Variants in SLC32A1 observed in about 807,000 individuals in gnomAD.
The protein encoded by SLC32A1 is vesicular inhibitory amino acid transporter.
SLC32A1 carries 8 observed loss-of-function variants against 35.5 expected under a neutral mutation model. That is an observed-to-expected ratio of 0.23 (90% CI 0.13 to 0.41). The LOEUF is 0.41. Among genes scored for constraint, SLC32A1 ranks in the 10% least tolerant of loss-of-function variants. SLC32A1 has a pLI of 1.00. For missense variants in SLC32A1, 493 were observed against 722.3 expected, an observed-to-expected ratio of 0.68 and a Z score of 3.64; for synonymous variants, 317 against 326.3, an observed-to-expected ratio of 0.97 and a Z score of 0.31.
At position 38,724,740 on chromosome 20, in the gene SLC32A1, C is replaced by T. The variant is rs776050127; in HGVS notation, c.16C>T (p.Arg6Cys). 6.2e-7 allele frequency: 1 copy of T among 1,609,776 alleles called. No homozygotes were observed. The highest frequency in any genetic ancestry group is 1.1e-5 in the South Asian group (1 of 90,642). Residue 6 changes from arginine (R) to cysteine (C), a missense_variant, in exon 1 of 2, where the codon CGC becomes TGC. By Grantham distance (180) the Arg-to-Cys change is radical (BLOSUM62 -3). This residue lies in a region of SLC32A1 where 133 missense variants were observed against 145.9 expected (regional missense o/e 0.91). Transcript: ENST00000217420. ...CACCGCCGCCATGGCCACCTTGCTCCGCAGCAAGCTGTCCAACGTGGCCAC... is the reference window on the plus strand; with the variant it reads ...CACCGCCGCCATGGCCACCTTGCTCTGCAGCAAGCTGTCCAACGTGGCCAC... MATLLRSKLSNVATSV... is the reference protein window; with the variant it reads MATLLCSKLSNVATSV...
rs760283518 is a variant in SLC32A1, at chr20:38,727,928, G to A, written c.867G>A (p.Ala289=). 32 of 1,614,056 alleles carry A rather than the reference G, an allele frequency of 2.0e-5. No individual in the cohort carries two copies. In the South Asian group the frequency reaches 3.2e-4, roughly 16 times the overall value. ...ILVIAYCLSR[A]RDWAWEKVKF... is the part of the protein sequence containing the mutation. ...TCATAGCCTACTGTCTATCGCGGGC[G>A]CGCGACTGGGCCTGGGAGAAGGTCA... Residue 289 remains alanine, a synonymous_variant, in exon 2 of 2, where the codon GCG becomes GCA. Transcript: ENST00000217420.
At position 38,726,774 on chromosome 20, in the gene SLC32A1, C is replaced by T. The variant is rs34068158; in HGVS notation, c.391-678C>T. ...ATTTCCAGCCCTGCTTCCTCCTCCC[C>T]GCGCGCTGCTCCCCAAGCGTCTTCA... On this transcript the variant is annotated intron_variant, in intron 1 of 1. Transcript: ENST00000217420. This position sits in a 1 kb window ranked among gnomAD's most constrained non-coding sequence, Gnocchi z 4.7. Among the ~76,000 whole-genome samples the T allele has an allele frequency of 0.096, 14,552 of 152,208 alleles. 794 individuals carry two copies. Among genetic ancestry groups the T allele is most frequent in the Non-Finnish European group, 0.13 (8,661 of 67,986 alleles).
chr20:38,725,075 G>A lies in SLC32A1; in HGVS notation c.351G>A (p.Thr117=), dbSNP rs1568627665. 1 of 1,518,866 alleles carries A rather than the reference G, an allele frequency of 6.6e-7. No individual in the cohort carries two copies. Among genetic ancestry groups the A allele is most frequent in the Non-Finnish European group, 8.8e-7 (1 of 1,134,808 alleles). The allele number at this position is 1,518,866 out of a possible 1,614,324, so 94.1% of individuals were successfully genotyped here. ...EFGGHDKPKI[T]AWEAGWNVTN... ...GGGGCCACGACAAGCCCAAAATCAC[G>A]GCGTGGGAGGCAGGCTGGAACGTGA... The change falls in exon 1 of 2, where the codon ACG becomes ACA. Residue 117 remains threonine, a synonymous_variant. Coordinates refer to ENST00000217420, the MANE Select transcript of SLC32A1 (RefSeq NM_080552.3).
At position 38,728,721 on chromosome 20, in the gene SLC32A1, G is replaced by A; in HGVS notation, c.*82G>A. On this transcript the variant is annotated 3_prime_UTR_variant, in exon 2 of 2. Transcript: ENST00000217420. ...CGCCCCCACCAGCCCAGTGCGCCCT[G>A]CCGCCGCGCTTGGGAGGCCAAGCTT... is the stretch of plus-strand genomic sequence containing the variant. 15 of 1,322,350 alleles carry A rather than the reference G, an allele frequency of 1.1e-5. No individual in the cohort carries two copies. The highest frequency in any genetic ancestry group is 1.5e-5 in the Non-Finnish European group (15 of 988,576). The allele number at this position is 1,322,350 out of a possible 1,614,324, so 81.9% of individuals were successfully genotyped here. A position where few individuals can be genotyped will look rare whatever the true frequency, so the allele number is the denominator to read the frequency against.
In SLC32A1 at chr20:38,725,037, G is replaced by A; in HGVS notation, c.313G>A (p.Gly105Ser). ...CGGCTCCAAGGACCAGGTGGGAGGT[G>A]GTGGCGAATTCGGGGGCCACGACAA... is the stretch of plus-strand genomic sequence containing the variant. ...PSGSKDQVGGGGEFGGHDKPK... is the reference protein window; with the variant it reads ...PSGSKDQVGGSGEFGGHDKPK... Residue 105 changes from glycine (G) to serine (S), a missense_variant, in exon 1 of 2, where the codon GGT (glycine) becomes AGT (serine). By Grantham distance (56) the Gly-to-Ser change is moderately conservative (BLOSUM62 0). Coordinates refer to ENST00000217420, the MANE Select transcript of SLC32A1 (RefSeq NM_080552.3). 1 of 1,536,566 alleles carries A rather than the reference G, an allele frequency of 6.5e-7. No individual in the cohort carries two copies. The highest frequency in any genetic ancestry group is 2.3e-5 in the East Asian group (1 of 43,648).
rs373705070 is a variant in SLC32A1 at position 38,728,063 on chromosome 20, C to A, written c.1002C>A (p.Ser334Arg). The A allele has an allele frequency of 1.2e-6, 2 of 1,613,986 alleles. No individual in the cohort carries two copies. The highest frequency in any genetic ancestry group is 2.2e-5 in the East Asian group (1 of 44,886). ...TGGAGGGCAATATGCAGCAGCCCAG[C>A]GAGTTCCACTGCATGATGAACTGGA... is the stretch of plus-strand genomic sequence containing the variant. ...PSLEGNMQQPSEFHCMMNWTH... is the reference protein window; with the variant it reads ...PSLEGNMQQPREFHCMMNWTH... The change falls in exon 2 of 2, where the codon AGC becomes AGA. Residue 334 changes from serine to arginine, a missense_variant. Ser to Arg is a moderately radical substitution (Grantham distance 110). Coordinates refer to ENST00000217420, the MANE Select transcript of SLC32A1 (RefSeq NM_080552.3).
chr20:38,728,626 AC>A lies in SLC32A1; in HGVS notation c.1566del (p.Asn522LysfsTer47). On this transcript the variant is annotated frameshift_variant, in exon 2 of 2. Coordinates refer to ENST00000217420, the MANE Select transcript of SLC32A1 (RefSeq NM_080552.3). LOFTEE classifies it high-confidence loss of function. ...LEGLIEAYRT[N>X]AED ...GGCCTCATCGAAGCCTACCGAACCAACGCGGAGGACTAGGGCGCAAGGGCGA... is the reference window on the plus strand; with the variant it reads ...GGCCTCATCGAAGCCTACCGAACCAAGCGGAGGACTAGGGCGCAAGGGCGA... 1 of 1,604,730 alleles carries A rather than the reference AC, an allele frequency of 6.2e-7. No homozygotes were observed. The highest frequency in any genetic ancestry group is 8.5e-7 in the Non-Finnish European group (1 of 1,176,244).
rs1401182749 is a variant in SLC32A1, at chr20:38,729,371, C to T, written c.*732C>T. On this transcript the variant is annotated 3_prime_UTR_variant, in exon 2 of 2. Transcript: ENST00000217420. ...TCCGCAAATAAAGAAGAGACAAAGG[C>T]TTGCGCGGCCCGGTGTCGGGTTTGT... is the stretch of plus-strand genomic sequence containing the variant. 1 of 152,468 alleles carries T rather than the reference C, an allele frequency of 6.6e-6. No homozygotes were observed. The highest frequency in any genetic ancestry group is 1.5e-5 in the Non-Finnish European group (1 of 68,048). 9.4% of individuals were successfully genotyped at this position (152,468 alleles called of 1,614,324 possible).
chr20:38,728,778 T>C lies in SLC32A1; in HGVS notation c.*139T>C. 1 of 355,512 alleles carries C rather than the reference T, an allele frequency of 2.8e-6. No homozygotes were observed. Among genetic ancestry groups the C allele is most frequent in the East Asian group, 8.0e-5 (1 of 12,546 alleles). The allele number at this position is 355,512 out of a possible 1,614,324, so 22.0% of individuals were successfully genotyped here. A position where few individuals can be genotyped will look rare whatever the true frequency, so the allele number is the denominator to read the frequency against. ...TCTCTGGTTCCTAGTTTCTGATTAT[T>C]CGGGGATGGGGGGGATGGGAGGGGA... On this transcript the variant is annotated 3_prime_UTR_variant, in exon 2 of 2. Transcript: ENST00000217420.
At position 38,728,909 on chromosome 20, in the gene SLC32A1, C is replaced by G. The variant is rs1262370789; in HGVS notation, c.*270C>G. ...TGCATTTGCGGGCAGGGTTCTCTGT[C>G]CTTCCAAGTGGGGCCCCGACACTTT... On this transcript the variant is annotated 3_prime_UTR_variant, in exon 2 of 2. Transcript: ENST00000217420. 2 of 454,990 alleles carry G rather than the reference C, an allele frequency of 4.4e-6. No homozygotes were observed. Among genetic ancestry groups the G allele is most frequent in the Non-Finnish European group, 7.8e-6 (2 of 256,928 alleles). The allele number at this position is 454,990 out of a possible 1,614,324, so 28.2% of individuals were successfully genotyped here. A position where few individuals can be genotyped will look rare whatever the true frequency, so the allele number is the denominator to read the frequency against.
chr20:38,727,688 G>T lies in SLC32A1; in HGVS notation c.627G>T (p.Ala209=), dbSNP rs1180204726. The change falls in exon 2 of 2, where the codon GCG becomes GCT. Residue 209 remains alanine (A), a synonymous_variant. Coordinates refer to ENST00000217420, the MANE Select transcript of SLC32A1 (RefSeq NM_080552.3). The stretch of plus-strand genomic sequence containing the variant: ...TGGGCGGCCGAGTGGTGAACGTAGC[G>T]CAGATCATCGAGCTGGTGATGACGT... ...PTLGGRVVNV[A]QIIELVMTCI... is the part of the protein sequence containing the mutation. 5 of 1,614,086 alleles carry T rather than the reference G, an allele frequency of 3.1e-6. No homozygotes were observed. Among genetic ancestry groups the T allele is most frequent in the African/African-American group, 1.3e-5 (1 of 74,934 alleles).
chr20:38,724,618 A>C lies in SLC32A1; in HGVS notation c.-107A>C. On this transcript the variant is annotated 5_prime_UTR_variant, in exon 1 of 2. Transcript: ENST00000217420. The stretch of plus-strand genomic sequence containing the variant: ...CAGAGAGCCCCGGGGCGCCGCGCGG[A>C]GAGCAAGCGGAGATAGCGACTTTGC... The C allele has an allele frequency of 7.3e-7, 1 of 1,378,484 alleles. No homozygotes were observed. The highest frequency in any genetic ancestry group is 2.4e-5 in the East Asian group (1 of 40,828). The allele number at this position is 1,378,484 out of a possible 1,614,324, so 85.4% of individuals were successfully genotyped here. A position where few individuals can be genotyped will look rare whatever the true frequency, so the allele number is the denominator to read the frequency against.
chr20:38,727,836 A>G lies in SLC32A1; in HGVS notation c.775A>G (p.Asn259Asp), dbSNP rs199839263. The G allele has an allele frequency of 5.0e-6, 8 of 1,614,190 alleles. 1 individual carries two copies. The East Asian group carries it at 1.8e-4, about 36-fold the overall frequency. The part of the protein sequence containing the change: ...AVLLPCAFLK[N>D]LKAVSKFSLL... ...GCTGCTGCCTTGCGCCTTCCTTAAG[A>G]ACCTCAAGGCCGTGTCCAAGTTCAG... is the stretch of plus-strand genomic sequence containing the variant. Residue 259 changes from asparagine (N) to aspartate (D), a missense_variant, in exon 2 of 2, where the codon AAC (asparagine) becomes GAC (aspartate). Asn to Asp is a conservative substitution (Grantham distance 23). Around this residue, in one of 4 missense-constraint regions of SLC32A1, gnomAD observed 269 missense variants for 445.6 expected, o/e 0.60. Transcript: ENST00000217420.
chr20:38,725,254 C>G, intron 1 of SLC32A1, 140 bp downstream of exon 1: 1 of 1,124,656 alleles, frequency 8.9e-7, no homozygotes, highest in Non-Finnish European at 1.2e-6. Context: ...CCATCCCTCC[C>G]AGCCCTGCGC....
Position 38,724,955 on chromosome 20 carries a change from G to T in SLC32A1, c.231G>T (p.Ala77=). The T allele has an allele frequency of 6.2e-7, 1 of 1,606,104 alleles. No homozygotes were observed. The highest frequency in any genetic ancestry group is 1.1e-5 in the South Asian group (1 of 90,494). The change falls in exon 1 of 2, where the codon GCG becomes GCT. Residue 77 remains alanine (A), a synonymous_variant. Coordinates refer to ENST00000217420, the MANE Select transcript of SLC32A1 (RefSeq NM_080552.3). Reference sequence around the variant, plus strand: ...CCTGCGGGGACGAGGGCGCTGAAGCGCCCGTCGAGGGAGACATCCATTATC... The same window carrying T: ...CCTGCGGGGACGAGGGCGCTGAAGCTCCCGTCGAGGGAGACATCCATTATC... ...GEPCGDEGAE[A]PVEGDIHYQR...
intron 1 of SLC32A1, among the ~76,000 whole-genome samples, chr20:38,727,167 A>C (rs1601182140): frequency 6.7e-6 from 1 of 149,610 alleles, no homozygotes; most frequent in Non-Finnish European, 1.5e-5. Flanking sequence ...GCCCTCTCCC[A>C]CCCTAGCCCT....
At chr20:38,725,252 C>T in intron 1 of SLC32A1, 138 bp downstream of exon 1, 2 of 1,134,446 alleles carry the variant, frequency 1.8e-6, no homozygotes, top group Non-Finnish European at 1.2e-6. Flanking sequence ...CTCCATCCCT[C>T]CCAGCCCTGC....
At chr20:38,725,730 A>C (rs891057972) in intron 1 of SLC32A1, among the ~76,000 whole-genome samples, 1 of 152,236 alleles carries the variant, frequency 6.6e-6, no homozygotes, top group African/African-American at 2.4e-5. Context: ...ATACCTGCAC[A>C]TACCAAACAC....
In SLC32A1 at chr20:38,727,644, G is replaced by T. The variant is rs778982202; in HGVS notation, c.583G>T (p.Ala195Ser). The T allele has an allele frequency of 1.1e-5, 17 of 1,613,914 alleles. No homozygotes were observed. The highest frequency in any genetic ancestry group is 1.4e-5 in the Non-Finnish European group (16 of 1,180,056). ...SYVAIANACC[A>S]PRFPTLGGRV... ...CGTGGCCATAGCCAACGCCTGCTGC[G>T]CCCCGCGCTTCCCAACGCTGGGCGG... The change falls in exon 2 of 2, where the codon GCC becomes TCC. Residue 195 changes from alanine (A) to serine (S), a missense_variant. Transcript: ENST00000217420.
Sources: gnomAD v4.1 joint callset for allele counts (sites outside exome capture counted in the v4.1 genomes callset) on GRCh38, gnomAD v4.1.1 for gene constraint, gnomAD v4.1.1 regional missense constraint, Gnocchi (gnomAD v3.1) non-coding constraint, MANE v1.5 for transcripts, NCBI Gene and HGNC (gene_info 2026-07-23, HGNC 2026-07-21) for gene names.